Variants in ABCD3 observed in about 807,000 individuals in gnomAD.
ABCD3 encodes ATP-binding cassette sub-family D member 3.
A neutral mutation model predicts 105.5 loss-of-function variants in ABCD3; 41 were observed. The observed-to-expected ratio is 0.39, with a 90% confidence interval of 0.30 to 0.50. ABCD3 has a LOEUF of 0.50. Ranked by LOEUF, ABCD3 falls within the 20% of genes least tolerant of loss-of-function variation. The pLI, the probability that ABCD3 is intolerant of heterozygous loss-of-function variation, is 0.84. For missense variants in ABCD3, 622 were observed against 806.3 expected, an observed-to-expected ratio of 0.77 and a Z score of 2.77; for synonymous variants, 258 against 269.0, an observed-to-expected ratio of 0.96 and a Z score of 0.40.
At chr1:94,399,076 G>C in the ABCD3 span, among the ~76,000 whole-genome samples, 12 of 152,128 alleles carry the variant, frequency 7.9e-5, no homozygotes, top group Middle Eastern at 3.4e-3. Flanking sequence ...ATGCAGTTCA[G>C]TGGGTTTTAC....
intron 1 of ABCD3, among the ~76,000 whole-genome samples, chr1:94,440,967 T>C (rs577401043): frequency 2.7e-4 from 41 of 152,318 alleles, no homozygotes; most frequent in African/African-American, 9.6e-4. Context: ...AAATGAGATC[T>C]ACATCTCATA....
chr1:94,499,407 A>G lies in ABCD3; in HGVS notation c.1621-88A>G, dbSNP rs1178275094. On this transcript the variant is annotated intron_variant, in intron 19 of 22. Transcript: ENST00000370214. Reference sequence around the variant, plus strand: ...TTTAAGTGGTACAGACAATAGAATTATAGTGATTCCAGTTTAAAAAATAAA... The same window carrying G: ...TTTAAGTGGTACAGACAATAGAATTGTAGTGATTCCAGTTTAAAAAATAAA... The G allele has an allele frequency of 3.7e-6, 5 of 1,354,710 alleles. No individual in the cohort carries two copies. In the South Asian group the frequency reaches 4.8e-5, roughly 13 times the overall value. The allele number at this position is 1,354,710 out of a possible 1,614,324, so 83.9% of individuals were successfully genotyped here. A position where few individuals can be genotyped will look rare whatever the true frequency, so the allele number is the denominator to read the frequency against.
chr1:94,406,340 G>GTT, the ABCD3 span: 505 of 142,484 alleles, frequency 3.5e-3, 6 homozygotes, highest in South Asian at 0.01. Flanking sequence ...ATTTTGTTTT[G>GTT]TTTTTTTTTT....
intron 1 of ABCD3, among the ~76,000 whole-genome samples, chr1:94,457,265 CAT>C (rs1429929081): frequency 2.6e-5 from 4 of 152,076 alleles, no homozygotes; most frequent in African/African-American, 4.8e-5. Context: ...AGATTTTAAA[CAT>C]ATAAATAATC....
intron 13 of ABCD3, 122 bp from the exon 14 acceptor site, chr1:94,489,603 T>G: frequency 2.7e-6 from 2 of 738,910 alleles, no homozygotes. Context: ...TTTATGTTGA[T>G]GAGACTGTTA....
chr1:94,444,146 A>G (rs917419787), intron 1 of ABCD3, among the ~76,000 whole-genome samples: 1 of 152,026 alleles, frequency 6.6e-6, no homozygotes, highest in Non-Finnish European at 1.5e-5. Flanking sequence ...ATCCTGGCCA[A>G]CATGGTGAAA....
intron 16 of ABCD3, among the ~76,000 whole-genome samples, chr1:94,494,518 T>A (rs1170426843): frequency 1.3e-5 from 2 of 152,210 alleles, no homozygotes; most frequent in Non-Finnish European, 2.9e-5. Context: ...TCTTCAGTTC[T>A]TTGCAGCCTC....
At chr1:94,510,021 C>A (rs1650582521) in intron 21 of ABCD3, among the ~76,000 whole-genome samples, 1 of 151,942 alleles carries the variant, frequency 6.6e-6, no homozygotes, top group African/African-American at 2.4e-5. Flanking sequence ...TTATTTCTTG[C>A]CTTCTGCTAG....
intron 4 of ABCD3, 150 bp downstream of exon 4, chr1:94,468,157 C>G: frequency 1.4e-6 from 1 of 716,758 alleles, no homozygotes; most frequent in Non-Finnish European, 2.5e-6. Flanking sequence ...TTAAAAAATA[C>G]TTAGTGTTTC....
At chr1:94,404,910 G>T in the ABCD3 span, among the ~76,000 whole-genome samples, 1 of 147,836 alleles carries the variant, frequency 6.8e-6, no homozygotes, top group African/African-American at 2.5e-5. Flanking sequence ...CTGCACTGCA[G>T]CCTGGGTGAC....
chr1:94,459,120 C>T (rs1252997262), intron 2 of ABCD3, among the ~76,000 whole-genome samples: 2 of 151,616 alleles, frequency 1.3e-5, no homozygotes, highest in Middle Eastern at 3.4e-3. Flanking sequence ...GATCATAGCT[C>T]ACTGTAACCT....
rs770339746 is a variant in ABCD3, at chr1:94,463,570, A to G, written c.148-1205A>G. On this transcript the variant is annotated intron_variant, in intron 2 of 22. Transcript: ENST00000370214. Reference sequence around the variant, plus strand: ...TTAGCCAGATAAGTGAGCTGTGATAATGGAGTTGGGGAAAGGGTTAGTCAG... The same window carrying G: ...TTAGCCAGATAAGTGAGCTGTGATAGTGGAGTTGGGGAAAGGGTTAGTCAG... Among the ~76,000 whole-genome samples the G allele has an allele frequency of 4.6e-5, 7 of 152,204 alleles. No homozygotes were observed. The South Asian group carries it at 1.0e-3, about 23-fold the overall frequency.
chr1:94,406,082 A>T, the ABCD3 span, among the ~76,000 whole-genome samples: 17 of 151,828 alleles, frequency 1.1e-4, no homozygotes, highest in Non-Finnish European at 2.1e-4. Flanking sequence ...TCTGTGATCC[A>T]TGTGGAGTTT....
rs1238436669 is a variant in ABCD3 at position 94,478,334 on chromosome 1, C to T, written c.684+19C>T. ...AGCTCAGGTGAGTCTGCTTTTATTTCAACTTTTAAATTGATATAATATAAT... is the reference window on the plus strand; with the variant it reads ...AGCTCAGGTGAGTCTGCTTTTATTTTAACTTTTAAATTGATATAATATAAT... On this transcript the variant is annotated intron_variant, in intron 8 of 22. Coordinates refer to ENST00000370214, the MANE Select transcript of ABCD3 (RefSeq NM_002858.4). 5 of 1,570,106 alleles carry T rather than the reference C, an allele frequency of 3.2e-6. No homozygotes were observed. Among genetic ancestry groups the T allele is most frequent in the African/African-American group, 1.4e-5 (1 of 73,870 alleles).
At chr1:94,444,331 C>A (rs1204724438) in intron 1 of ABCD3, among the ~76,000 whole-genome samples, 296 of 93,142 alleles carry the variant, frequency 3.2e-3, no homozygotes, top group African/African-American at 5.7e-3. Context: ...GACTCCATCT[C>A]AAAAAAAAAA....
chr1:94,494,590 C>T (rs1323094482), intron 16 of ABCD3, among the ~76,000 whole-genome samples: 1 of 152,174 alleles, frequency 6.6e-6, no homozygotes, highest in Non-Finnish European at 1.5e-5. Flanking sequence ...TGGAAAGAGG[C>T]ATAATAAAAC....
chr1:94,443,348 A>G (rs1334889862), intron 1 of ABCD3, among the ~76,000 whole-genome samples: 1 of 151,982 alleles, frequency 6.6e-6, no homozygotes, highest in African/African-American at 2.4e-5. Context: ...TTCCTTGTGT[A>G]TTCTGGATAT....
intron 1 of ABCD3, among the ~76,000 whole-genome samples, chr1:94,426,594 G>A (rs935148861): frequency 6.6e-6 from 1 of 151,388 alleles, no homozygotes; most frequent in Admixed American, 6.6e-5. Context: ...CCAGGCTGGA[G>A]TGCAGTGGTG....
At chr1:94,487,493 GTT>G in intron 10 of ABCD3, 47 bp from the exon 11 acceptor site, 1 of 1,550,120 alleles carries the variant, frequency 6.5e-7, no homozygotes, top group Non-Finnish European at 8.9e-7. Flanking sequence ...AGTAGATTCA[GTT>G]TTTTATACAG....
Sources: allele counts gnomAD v4.1 joint callset (sites outside exome capture counted in the v4.1 genomes callset), GRCh38; gene constraint gnomAD v4.1.1; transcripts MANE v1.5; gene names NCBI Gene and HGNC (gene_info 2026-07-23, HGNC 2026-07-21).